The following CNTN4 variants were observed in gnomAD, a reference collection of about 807,000 sequenced individuals.
CNTN4 encodes the protein contactin 4.
In CNTN4, 77 loss-of-function variants were observed where a neutral mutation model predicts 122.5. That is an observed-to-expected ratio of 0.63 (90% CI 0.52 to 0.76). The LOEUF is 0.76. Ranked by LOEUF, CNTN4 falls within the 30% of genes least tolerant of loss-of-function variation. The pLI, the probability that CNTN4 is intolerant of heterozygous loss-of-function variation, is 0.00. For synonymous variants in CNTN4, 512 were observed against 447.0 expected, an observed-to-expected ratio of 1.15 and a Z score of -1.83; for missense variants, 1,256 against 1,259.1, an observed-to-expected ratio of 1.00 and a Z score of 0.04.
intron 3 of CNTN4, among the ~76,000 whole-genome samples, chr3:2,483,682 T>C (rs1024883038): frequency 6.6e-6 from 1 of 152,184 alleles, no homozygotes; most frequent in East Asian, 1.9e-4. Flanking sequence ...CTGATGGTTT[T>C]ATAAGTGGCA....
chr3:2,753,677 C>T (rs1356299606), intron 6 of CNTN4, among the ~76,000 whole-genome samples: 2 of 152,110 alleles, frequency 1.3e-5, no homozygotes, highest in East Asian at 1.9e-4. Context: ...ATGTTCAATC[C>T]GTAGATTTGG....
chr3:2,947,186 TA>T (rs1409751620), intron 13 of CNTN4, among the ~76,000 whole-genome samples: 3 of 152,232 alleles, frequency 2.0e-5, no homozygotes, highest in African/African-American at 2.4e-5. Context: ...AAAAGCAGAA[TA>T]TTTTTTGCGT....
intron 4 of CNTN4, among the ~76,000 whole-genome samples, chr3:2,626,346 A>C (rs2149985952): frequency 1.3e-5 from 2 of 152,160 alleles, no homozygotes; most frequent in South Asian, 4.2e-4. Flanking sequence ...ACGAAAAAAA[A>C]ATTAGCCAGG....
At chr3:2,863,924 T>C (rs1164957681) in intron 7 of CNTN4, among the ~76,000 whole-genome samples, 1 of 152,202 alleles carries the variant, frequency 6.6e-6, no homozygotes, top group Admixed American at 6.5e-5. Context: ...CAAAGACCAC[T>C]GTTTAGGAAA....
At chr3:2,941,232 C>T (rs1434783561) in intron 13 of CNTN4, among the ~76,000 whole-genome samples, 1 of 152,094 alleles carries the variant, frequency 6.6e-6, no homozygotes, top group Non-Finnish European at 1.5e-5. Context: ...TGGATTGTTC[C>T]TTCCAGCACA....
intron 3 of CNTN4, among the ~76,000 whole-genome samples, chr3:2,415,218 G>A (rs902076568): frequency 1.1e-4 from 16 of 152,086 alleles, no homozygotes; most frequent in Non-Finnish European, 2.1e-4. Context: ...CTATTATGTG[G>A]CTCCTCGCTT....
Position 3,040,438 on chromosome 3 carries a change from C to T in CNTN4, c.2398+167C>T, listed in dbSNP as rs1242008444. 3.9e-5 allele frequency: 26 copies of T among 664,552 alleles called. No individual in the cohort carries two copies. The Admixed American group carries it at 5.2e-4, about 13-fold the overall frequency. 41.2% of individuals were successfully genotyped at this position (664,552 alleles called of 1,614,324 possible). ...TTGGTTCGCTGTCCACCATGAATCT[C>T]TTGAAAAGATAGCGACTGCTCTGTA... On this transcript the variant is annotated intron_variant, in intron 20 of 24. Transcript: ENST00000418658.
intron 13 of CNTN4, among the ~76,000 whole-genome samples, chr3:2,971,360 C>G (rs1577452438): frequency 6.6e-6 from 1 of 151,564 alleles, no homozygotes; most frequent in East Asian, 1.9e-4. Flanking sequence ...GTCTATCTAT[C>G]TATCTATCTA....
intron 7 of CNTN4, among the ~76,000 whole-genome samples, chr3:2,826,755 A>G (rs559783991): frequency 1.3e-5 from 2 of 152,360 alleles, no homozygotes; most frequent in African/African-American, 4.8e-5. Context: ...TTACTGTGCT[A>G]AAAGTGAGCA....
At chr3:2,707,790 C>G (rs2086833380) in intron 4 of CNTN4, among the ~76,000 whole-genome samples, 1 of 152,048 alleles carries the variant, frequency 6.6e-6, no homozygotes, top group South Asian at 2.1e-4. Context: ...CATACCACCA[C>G]ACCTGGCTCT....
intron 3 of CNTN4, among the ~76,000 whole-genome samples, chr3:2,361,027 T>G (rs1353855263): frequency 6.6e-6 from 1 of 152,202 alleles, no homozygotes; most frequent in African/African-American, 2.4e-5. Context: ...TATTGCACAA[T>G]GTATTGTTGC....
At chr3:2,810,944 T>C (rs537759535) in intron 6 of CNTN4, among the ~76,000 whole-genome samples, 1 of 152,068 alleles carries the variant, frequency 6.6e-6, no homozygotes, top group East Asian at 1.9e-4. Context: ...GAATAAGCTT[T>C]CCCTTTTACT....
chr3:2,731,756 C>T (rs1406633637), intron 4 of CNTN4, among the ~76,000 whole-genome samples: 2 of 152,238 alleles, frequency 1.3e-5, no homozygotes, highest in Middle Eastern at 3.2e-3. Flanking sequence ...AACATCCTGT[C>T]ACTCAAATAA....
intron 6 of CNTN4, among the ~76,000 whole-genome samples, chr3:2,780,164 C>A (rs1407291491): frequency 6.6e-6 from 1 of 152,174 alleles, no homozygotes; most frequent in Non-Finnish European, 1.5e-5. Flanking sequence ...AGTTGTCCTG[C>A]AAATCTACAT....
At chr3:2,104,936 G>T (rs2032308864) in intron 2 of CNTN4, among the ~76,000 whole-genome samples, 1 of 152,122 alleles carries the variant, frequency 6.6e-6, no homozygotes, top group Non-Finnish European at 1.5e-5. Flanking sequence ...CATTCTTAGT[G>T]CATATGGTCT....
chr3:2,816,269 G>C (rs1411744005), intron 6 of CNTN4, among the ~76,000 whole-genome samples: 1 of 148,142 alleles, frequency 6.8e-6, no homozygotes, highest in African/African-American at 2.6e-5. Flanking sequence ...CAGGAGAATG[G>C]CGTGAACCCA....
intron 3 of CNTN4, among the ~76,000 whole-genome samples, chr3:2,548,885 C>T (rs1428319815): frequency 6.6e-6 from 1 of 152,030 alleles, no homozygotes; most frequent in Non-Finnish European, 1.5e-5. Context: ...TTGAAGAGGT[C>T]CTTTGCATCC....
chr3:2,673,851 G>A (rs999191891), intron 4 of CNTN4, among the ~76,000 whole-genome samples: 4 of 152,120 alleles, frequency 2.6e-5, no homozygotes, highest in African/African-American at 7.2e-5. Flanking sequence ...CGGAGGGTCA[G>A]TTTTAAGAGG....
At chr3:2,191,748 T>C (rs2037562948) in intron 2 of CNTN4, among the ~76,000 whole-genome samples, 1 of 151,564 alleles carries the variant, frequency 6.6e-6, no homozygotes, top group Non-Finnish European at 1.5e-5. Flanking sequence ...ATATTTATTA[T>C]ACTTTAAGTT....
Sources: allele counts gnomAD v4.1 joint callset (sites outside exome capture counted in the v4.1 genomes callset), GRCh38; gene constraint gnomAD v4.1.1; transcripts MANE v1.5; gene names NCBI Gene and HGNC (gene_info 2026-07-23, HGNC 2026-07-21).